SHLD1: variants seen among roughly 807,000 people sequenced by gnomAD.
The protein encoded by SHLD1 is shieldin complex subunit 1.
In SHLD1, 3 loss-of-function variants were observed where a neutral mutation model predicts 5.5. The ratio of observed to expected loss-of-function variants is 0.54; its 90% CI spans 0.25 to 1.40. The LOEUF is 1.40. Ranked by LOEUF, SHLD1 falls within the 40% of genes most tolerant of loss-of-function variation. The pLI, the probability that SHLD1 is intolerant of heterozygous loss-of-function variation, is 0.15. For synonymous variants in SHLD1, 92 were observed against 94.3 expected (o/e 0.98, Z 0.14); for missense variants, 210 against 244.4 (o/e 0.86, Z 0.94).
At chr20:5,779,909 G>A (rs1233720234) in intron 2 of SHLD1, among the ~76,000 whole-genome samples, 1 of 151,808 alleles carries the variant, frequency 6.6e-6, no homozygotes, top group Non-Finnish European at 1.5e-5. Flanking sequence ...CAGCTACTGG[G>A]TGAAATAGAG....
chr20:5,755,043 G>A (rs1289773205), intron 1 of SHLD1, among the ~76,000 whole-genome samples: 9 of 147,152 alleles, frequency 6.1e-5, no homozygotes, highest in African/African-American at 2.3e-4. Context: ...GCAACAGAGC[G>A]AGACCCTGTC....
At chr20:5,757,037 T>G (rs970654903) in intron 1 of SHLD1, among the ~76,000 whole-genome samples, 3 of 151,670 alleles carry the variant, frequency 2.0e-5, no homozygotes, top group Non-Finnish European at 4.4e-5. Flanking sequence ...ATGGTATTAA[T>G]TATGGGTTTT....
rs767826318 is a variant in SHLD1 at position 5,863,027 on chromosome 20, C to A, written c.182C>A (p.Thr61Asn). Residue 61 changes from threonine to asparagine, a missense_variant, in exon 3 of 3, where the codon ACC (threonine) becomes AAC (asparagine). Physicochemically the swap from Thr to Asn is moderately conservative, Grantham distance 65. Transcript: ENST00000303142. ...FPYSSDVDPD[T>N]SNLNIEQNNS... ...TGGAATACGTTTTGTCTTGCAGACA[C>A]CAGTAACTTAAATATAGAACAAAAT... 6.3e-7 allele frequency: 1 copy of A among 1,584,192 alleles called. No homozygotes were observed. The highest frequency in any genetic ancestry group is 8.6e-7 in the Non-Finnish European group (1 of 1,166,766).
At chr20:5,797,022 A>G (rs1286328446) in intron 2 of SHLD1, among the ~76,000 whole-genome samples, 2 of 152,168 alleles carry the variant, frequency 1.3e-5, no homozygotes, top group Admixed American at 6.5e-5. Flanking sequence ...CTCTCAGCAT[A>G]TTAGGAAGAA....
chr20:5,771,925 A>G, intron 1 of SHLD1: 1 of 244,974 alleles, frequency 4.1e-6, no homozygotes, highest in Non-Finnish European at 7.8e-6. Flanking sequence ...CCCAGGCTGG[A>G]GTGCAATAGC....
intron 2 of SHLD1, among the ~76,000 whole-genome samples, chr20:5,856,190 G>A (rs540411341): frequency 6.6e-5 from 10 of 152,334 alleles, no homozygotes; most frequent in East Asian, 5.8e-4. Flanking sequence ...ACTGATTAAC[G>A]TCTGAGCAGA....
intron 2 of SHLD1, among the ~76,000 whole-genome samples, chr20:5,799,064 A>C (rs2087253468): frequency 6.6e-6 from 1 of 152,004 alleles, no homozygotes; most frequent in Non-Finnish European, 1.5e-5. Flanking sequence ...TTAGCCAGGC[A>C]TGGTGGCGTT....
At chr20:5,860,100 C>T (rs1332635492) in intron 2 of SHLD1, among the ~76,000 whole-genome samples, 4 of 135,450 alleles carry the variant, frequency 3.0e-5, no homozygotes, top group Non-Finnish European at 4.7e-5. Flanking sequence ...CAGCTTCTGT[C>T]TTCCAGCCAC....
chr20:5,836,897 G>C (rs1244538951), intron 2 of SHLD1, among the ~76,000 whole-genome samples: 1 of 152,080 alleles, frequency 6.6e-6, no homozygotes, highest in Non-Finnish European at 1.5e-5. Flanking sequence ...GATAAATAAA[G>C]AACTTAAAAG....
Position 5,855,719 on chromosome 20 carries a change from C to G in SHLD1, c.179-7305C>G, listed in dbSNP as rs1324991521. Reference sequence around the variant, plus strand: ...CATTTATCTGTTGATAGCTGGGTTGCTTCTAACTCTTGGCTAATGTGAATA... The same window carrying G: ...CATTTATCTGTTGATAGCTGGGTTGGTTCTAACTCTTGGCTAATGTGAATA... On this transcript the variant is annotated intron_variant, in intron 2 of 2. Coordinates refer to ENST00000303142, the MANE Select transcript of SHLD1 (RefSeq NM_152504.4). This position sits in a 1 kb window ranked among gnomAD's most constrained non-coding sequence, Gnocchi z 4.4. Among the ~76,000 whole-genome samples the G allele has an allele frequency of 2.0e-5, 3 of 152,162 alleles. No homozygotes were observed. Among genetic ancestry groups the G allele is most frequent in the Admixed American group, 2.0e-4 (3 of 15,278 alleles).
chr20:5,793,884 A>G (rs1231330033), intron 2 of SHLD1, among the ~76,000 whole-genome samples: 1 of 151,610 alleles, frequency 6.6e-6, no homozygotes, highest in African/African-American at 2.4e-5. Context: ...ATTTTTTTGT[A>G]TTTTCAGTAG....
intron 2 of SHLD1, among the ~76,000 whole-genome samples, chr20:5,825,715 TG>T (rs1256429784): frequency 9.2e-5 from 14 of 152,240 alleles, no homozygotes. Context: ...CGCTCCTGCC[TG>T]GGTGACAGAG....
intron 2 of SHLD1, among the ~76,000 whole-genome samples, chr20:5,823,726 G>A (rs548953318): frequency 1.6e-4 from 24 of 152,246 alleles, no homozygotes; most frequent in Non-Finnish European, 3.1e-4. Flanking sequence ...GGGATTACAG[G>A]CATGAGTCAC....
chr20:5,839,841 A>G (rs139562074), intron 2 of SHLD1, among the ~76,000 whole-genome samples: 13 of 152,280 alleles, frequency 8.5e-5, no homozygotes, highest in African/African-American at 3.1e-4. Context: ...TGGCAGTTGG[A>G]GGTGGTTATC....
At chr20:5,762,932 C>T (rs1356425456) in intron 1 of SHLD1, among the ~76,000 whole-genome samples, 3 of 142,434 alleles carry the variant, frequency 2.1e-5, no homozygotes, top group Admixed American at 7.2e-5. Context: ...GAGATCGCGC[C>T]GTTGCACTCT....
chr20:5,856,827 G>C (rs550652450), intron 2 of SHLD1, among the ~76,000 whole-genome samples: 48 of 152,264 alleles, frequency 3.2e-4, no homozygotes, highest in African/African-American at 1.1e-3. Flanking sequence ...ACTTGTTACT[G>C]TACAGCACAT....
At chr20:5,787,563 G>C (rs532929284) in intron 2 of SHLD1, among the ~76,000 whole-genome samples, 1 of 152,318 alleles carries the variant, frequency 6.6e-6, no homozygotes, top group Admixed American at 6.5e-5. Flanking sequence ...TGACTGACCA[G>C]GTTCATGTTT....
intron 1 of SHLD1, among the ~76,000 whole-genome samples, chr20:5,753,882 C>G (rs919530554): frequency 6.6e-6 from 1 of 152,190 alleles, no homozygotes; most frequent in Non-Finnish European, 1.5e-5. Flanking sequence ...CGGAACCCCC[C>G]TCCCTCTGCA....
chr20:5,817,724 G>A (rs2087555743), intron 2 of SHLD1, among the ~76,000 whole-genome samples: 6 of 152,132 alleles, frequency 3.9e-5, no homozygotes, highest in African/African-American at 1.2e-4. Flanking sequence ...ATGACTTAGT[G>A]TTCACTGTGA....
Sources: allele counts gnomAD v4.1 joint callset (sites outside exome capture counted in the v4.1 genomes callset), GRCh38; gene constraint gnomAD v4.1.1; non-coding constraint Gnocchi (gnomAD v3.1); transcripts MANE v1.5; gene names NCBI Gene and HGNC (gene_info 2026-07-23, HGNC 2026-07-21).